PLCB1: variants seen among roughly 807,000 people sequenced by gnomAD.
The protein encoded by PLCB1 is phospholipase C beta 1, also known as 1-phosphatidylinositol 4,5-bisphosphate phosphodiesterase beta-1.
In PLCB1, 46 loss-of-function variants were observed where a neutral mutation model predicts 161.8. That is an observed-to-expected ratio of 0.28 (90% CI 0.22 to 0.36). The LOEUF (loss-of-function observed/expected upper bound fraction) is 0.36. Among genes scored for constraint, PLCB1 ranks in the 10% least tolerant of loss-of-function variants. The pLI is 1.00. For synonymous variants in PLCB1, 517 were observed against 503.7 expected (o/e 1.03, Z -0.35); for missense variants, 1,016 against 1,472.5 (o/e 0.69, Z 5.07).
At position 8,154,145 on chromosome 20, in the gene PLCB1, C is replaced by A. The variant is rs112202498; in HGVS notation, c.177+3774C>A. 7.4e-3 allele frequency among the ~76,000 whole-genome samples: 1,131 copies of A among 152,194 alleles called. 17 individuals are homozygous for A. Among genetic ancestry groups the A allele is most frequent in the African/African-American group, 0.025 (1,049 of 41,526 alleles). On this transcript the variant is annotated intron_variant, in intron 2 of 31. Transcript: ENST00000338037. ...TGTCCATTTTTATACTAAGTCACAT[C>A]ATATTAACCATTCTACAATTTCCTT...
chr20:8,271,928 A>G (rs1306263274), intron 2 of PLCB1, among the ~76,000 whole-genome samples: 2 of 152,134 alleles, frequency 1.3e-5, no homozygotes, highest in South Asian at 2.1e-4. Flanking sequence ...CTGAAGAAAG[A>G]AAGAGGAAGT....
At chr20:8,843,575 G>A (rs1353362046) in intron 31 of PLCB1, among the ~76,000 whole-genome samples, 2 of 151,832 alleles carry the variant, frequency 1.3e-5, no homozygotes, top group African/African-American at 2.4e-5. Context: ...TACGTTGTAG[G>A]TATTACTAGA....
chr20:8,569,350 C>T (rs1048686418), intron 3 of PLCB1, among the ~76,000 whole-genome samples: 2 of 152,186 alleles, frequency 1.3e-5, no homozygotes, highest in Non-Finnish European at 2.9e-5. Context: ...ATTATCCAAA[C>T]TGTCTAGTAA....
chr20:8,449,028 G>A (rs1980958954), intron 3 of PLCB1, among the ~76,000 whole-genome samples: 1 of 152,192 alleles, frequency 6.6e-6, no homozygotes, highest in African/African-American at 2.4e-5. Context: ...GGCAACTAAA[G>A]TGAGAAGGGA....
intron 23 of PLCB1, among the ~76,000 whole-genome samples, chr20:8,755,004 T>C (rs544922649): frequency 2.3e-4 from 35 of 152,192 alleles, no homozygotes; most frequent in African/African-American, 8.4e-4. Context: ...CCATCAGAAG[T>C]AGTCATTTTT....
intron 3 of PLCB1, among the ~76,000 whole-genome samples, chr20:8,569,314 T>C (rs376789287): frequency 4.3e-4 from 65 of 152,150 alleles, no homozygotes; most frequent in African/African-American, 1.4e-3. Flanking sequence ...AAAAGATAAA[T>C]GTTAATAGTA....
intron 3 of PLCB1, among the ~76,000 whole-genome samples, chr20:8,427,615 A>C (rs2122566667): frequency 6.6e-6 from 1 of 152,260 alleles, no homozygotes; most frequent in Non-Finnish European, 1.5e-5. Flanking sequence ...ATAAGAGGAA[A>C]CCCTCAAATC....
intron 3 of PLCB1, among the ~76,000 whole-genome samples, chr20:8,391,824 T>TATATATACAC (rs1157204782): frequency 8.7e-6 from 1 of 115,414 alleles, no homozygotes; most frequent in African/African-American, 3.2e-5. Context: ...TATATATATA[T>TATATATACAC]ACACACACAT....
At chr20:8,572,937 A>G (rs1600162139) in intron 3 of PLCB1, among the ~76,000 whole-genome samples, 1 of 152,142 alleles carries the variant, frequency 6.6e-6, no homozygotes, top group African/African-American at 2.4e-5. Flanking sequence ...ATTAGTATTT[A>G]TATATTTAAT....
At chr20:8,548,906 A>G (rs1985670408) in intron 3 of PLCB1, among the ~76,000 whole-genome samples, 1 of 152,244 alleles carries the variant, frequency 6.6e-6, no homozygotes, top group Non-Finnish European at 1.5e-5. Context: ...TGCCAAGAAA[A>G]TAAGCTATTT....
intron 3 of PLCB1, among the ~76,000 whole-genome samples, chr20:8,444,033 G>C (rs918330430): frequency 1.3e-5 from 2 of 151,886 alleles, no homozygotes; most frequent in Non-Finnish European, 2.9e-5. Flanking sequence ...CTGAGATCTT[G>C]ACCAATACCT....
At chr20:8,480,079 C>T (rs1417893671) in intron 3 of PLCB1, among the ~76,000 whole-genome samples, 1 of 152,170 alleles carries the variant, frequency 6.6e-6, no homozygotes, top group Non-Finnish European at 1.5e-5. Flanking sequence ...ACTTCTCCAT[C>T]TCTAGGGTCG....
intron 3 of PLCB1, among the ~76,000 whole-genome samples, chr20:8,453,620 T>G (rs1318931603): frequency 6.6e-6 from 1 of 151,874 alleles, no homozygotes; most frequent in Non-Finnish European, 1.5e-5. Context: ...TAATATAATA[T>G]CAGAAAGAGT....
At chr20:8,592,225 C>T (rs2123111847) in intron 3 of PLCB1, among the ~76,000 whole-genome samples, 1 of 152,298 alleles carries the variant, frequency 6.6e-6, no homozygotes, top group South Asian at 2.1e-4. Flanking sequence ...CATCTTCTTA[C>T]ACTTATTCAC....
chr20:8,880,620 C>T (rs371894957), intron 31 of PLCB1, among the ~76,000 whole-genome samples: 2 of 152,040 alleles, frequency 1.3e-5, no homozygotes, highest in African/African-American at 4.8e-5. Flanking sequence ...CTCCTTAGAC[C>T]CCAGCATTGG....
intron 31 of PLCB1, among the ~76,000 whole-genome samples, chr20:8,863,412 C>A (rs1481300506): frequency 1.3e-5 from 2 of 152,202 alleles, no homozygotes; most frequent in Non-Finnish European, 2.9e-5. Flanking sequence ...GAATCACCTG[C>A]AAGCCTTCTT....
intron 2 of PLCB1, among the ~76,000 whole-genome samples, chr20:8,215,862 A>G (rs749380059): frequency 6.6e-6 from 1 of 151,736 alleles, no homozygotes; most frequent in Non-Finnish European, 1.5e-5. Flanking sequence ...ATATATATTT[A>G]TATATATATT....
At chr20:8,720,534 C>T (rs2123473749) in intron 14 of PLCB1, among the ~76,000 whole-genome samples, 2 of 152,288 alleles carry the variant, frequency 1.3e-5, no homozygotes, top group Admixed American at 1.3e-4. Context: ...ATCATGGCCC[C>T]TGTTGGCCAG....
intron 12 of PLCB1, 34 bp from the exon 13 acceptor site, chr20:8,716,230 C>T: frequency 6.5e-7 from 1 of 1,538,358 alleles, no homozygotes; most frequent in Non-Finnish European, 9.0e-7. Context: ...ATAAGCCTCC[C>T]TACTTTCCTT....
Sources: gnomAD v4.1 joint callset for allele counts (sites outside exome capture counted in the v4.1 genomes callset) on GRCh38, gnomAD v4.1.1 for gene constraint, MANE v1.5 for transcripts, NCBI Gene and HGNC (gene_info 2026-07-23, HGNC 2026-07-21) for gene names.